The following TTC27 variants were observed in gnomAD, a reference collection of about 807,000 sequenced individuals.
TTC27 encodes tetratricopeptide repeat domain 27.
In TTC27, 79 loss-of-function variants were observed where a neutral mutation model predicts 115.9. The ratio of observed to expected loss-of-function variants is 0.68; its 90% CI spans 0.57 to 0.82. The LOEUF (loss-of-function observed/expected upper bound fraction) is 0.82. Among genes scored for constraint, TTC27 ranks in the 40% least tolerant of loss-of-function variants. TTC27 has a pLI of 0.00. For synonymous variants in TTC27, 401 were observed against 356.0 expected, an observed-to-expected ratio of 1.13 and a Z score of -1.42; for missense variants, 1,054 against 993.1, an observed-to-expected ratio of 1.06 and a Z score of -0.82.
At chr2:32,801,248 G>C (rs994443497) in intron 16 of TTC27, among the ~76,000 whole-genome samples, 1 of 152,184 alleles carries the variant, frequency 6.6e-6, no homozygotes, top group East Asian at 1.9e-4. Context: ...CTGCCTTAAA[G>C]CAAAAGAAGT....
intron 9 of TTC27, among the ~76,000 whole-genome samples, chr2:32,693,415 G>T (rs1033557020): frequency 6.6e-6 from 1 of 152,214 alleles, no homozygotes; most frequent in Non-Finnish European, 1.5e-5. Flanking sequence ...AACCTTTGAG[G>T]TTGGAGCCAA....
At chr2:32,678,969 T>C in intron 9 of TTC27, 47 bp downstream of exon 9, 4 of 1,508,730 alleles carry the variant, frequency 2.7e-6, no homozygotes, top group Non-Finnish European at 3.7e-6. Flanking sequence ...TCCTGGTAAA[T>C]TACTTCCTCT....
chr2:32,765,758 A>G (rs983508612), intron 13 of TTC27, among the ~76,000 whole-genome samples: 8 of 152,084 alleles, frequency 5.3e-5, no homozygotes, highest in Admixed American at 2.6e-4. Context: ...CTCCATCACT[A>G]CTTGCTGTTT....
At chr2:32,644,815 C>T (rs1664790110) in intron 4 of TTC27, among the ~76,000 whole-genome samples, 1 of 139,722 alleles carries the variant, frequency 7.2e-6, no homozygotes, top group African/African-American at 2.6e-5. Flanking sequence ...TTCCCTCCCT[C>T]CCTCCCTCCC....
chr2:32,641,088 T>G (rs968009035), intron 4 of TTC27, among the ~76,000 whole-genome samples: 2 of 152,204 alleles, frequency 1.3e-5, no homozygotes, highest in African/African-American at 4.8e-5. Context: ...TGACCAAAAT[T>G]TAATGGGTCT....
At chr2:32,639,920 G>T (rs1370152006) in intron 3 of TTC27, among the ~76,000 whole-genome samples, 1 of 152,120 alleles carries the variant, frequency 6.6e-6, no homozygotes, top group Non-Finnish European at 1.5e-5. Flanking sequence ...GATCACTTGA[G>T]CCCGGGAGAT....
At position 32,736,839 on chromosome 2, in the gene TTC27, G is replaced by A. The variant is rs748689302; in HGVS notation, c.1452+23G>A. On this transcript the variant is annotated intron_variant, in intron 12 of 19. Transcript: ENST00000317907. Reference sequence around the variant, plus strand: ...AAGGTATGTAATAGTCCAATTTGATGTACTGGTGAGAGCCTTCCCTCTGGG... The same window carrying A: ...AAGGTATGTAATAGTCCAATTTGATATACTGGTGAGAGCCTTCCCTCTGGG... The A allele has an allele frequency of 3.1e-6, 5 of 1,611,534 alleles. No homozygotes were observed. In the African/African-American group the frequency reaches 4.0e-5, roughly 13 times the overall value.
chr2:32,654,134 GACTT>G (rs1665234064), intron 5 of TTC27, among the ~76,000 whole-genome samples: 1 of 152,160 alleles, frequency 6.6e-6, no homozygotes, highest in Non-Finnish European at 1.5e-5. Context: ...GAAGAATTGA[GACTT>G]ACAGAAGTTG....
intron 9 of TTC27, among the ~76,000 whole-genome samples, chr2:32,694,599 A>G (rs6722567): frequency 0.83 from 125,216 of 151,768 alleles, 51,698 homozygotes; most frequent in Middle Eastern, 0.91. Flanking sequence ...TACTTTGGGC[A>G]TAATTATATT....
chr2:32,705,276 A>T (rs1362267885), intron 10 of TTC27, among the ~76,000 whole-genome samples: 1 of 152,138 alleles, frequency 6.6e-6, no homozygotes, highest in African/African-American at 2.4e-5. Context: ...CTGAGGCTTC[A>T]TCAGTAGCTG....
chr2:32,628,279 C>T lies in TTC27; in HGVS notation c.-14C>T, dbSNP rs566407132. Reference sequence around the variant, plus strand: ...TCGTGGGAGCCTGTTTTGGCTGCAGCGGTGTCTGGGGTGATGTGGACCCCG... The same window carrying T: ...TCGTGGGAGCCTGTTTTGGCTGCAGTGGTGTCTGGGGTGATGTGGACCCCG... On this transcript the variant is annotated 5_prime_UTR_variant, in exon 1 of 20. Transcript: ENST00000317907. 2.1e-5 allele frequency: 34 copies of T among 1,598,580 alleles called. No homozygotes were observed. The South Asian group carries it at 3.2e-4, about 15-fold the overall frequency.
In TTC27 at chr2:32,740,134, C is replaced by T. The variant is rs1302895808; in HGVS notation, c.1452+3318C>T. Among the ~76,000 whole-genome samples, 8 of 152,220 alleles carry T rather than the reference C, an allele frequency of 5.3e-5. No individual in the cohort carries two copies. In the East Asian group the frequency reaches 9.7e-4, roughly 18 times the overall value. On this transcript the variant is annotated intron_variant, in intron 12 of 19. Transcript: ENST00000317907. ...TAGCATTTAGTATTTAAAGGTTATC[C>T]GACCCACTTACAGCAATTTCCCCTA... is the stretch of plus-strand genomic sequence containing the variant.
chr2:32,800,112 T>C (rs567269436), intron 16 of TTC27, among the ~76,000 whole-genome samples: 2 of 152,334 alleles, frequency 1.3e-5, no homozygotes, highest in East Asian at 3.9e-4. Flanking sequence ...GTTAATAGAC[T>C]ATTAAGAGGA....
At chr2:32,810,983 G>T in intron 16 of TTC27, 41 bp from the exon 17 acceptor site, 3 of 1,597,522 alleles carry the variant, frequency 1.9e-6, no homozygotes, top group South Asian at 1.1e-5. Flanking sequence ...GTTATTGTTT[G>T]TTGGTTTCTA....
At chr2:32,785,059 T>C (rs1246445148) in intron 15 of TTC27, among the ~76,000 whole-genome samples, 1 of 152,226 alleles carries the variant, frequency 6.6e-6, no homozygotes, top group African/African-American at 2.4e-5. Flanking sequence ...CCTTTGTATA[T>C]CTAAAAATGT....
chr2:32,800,918 A>C (rs1288162922), intron 16 of TTC27, among the ~76,000 whole-genome samples: 1 of 152,208 alleles, frequency 6.6e-6, no homozygotes, highest in Non-Finnish European at 1.5e-5. Context: ...GATGAAAAAA[A>C]CATTTTTTAC....
At chr2:32,649,464 G>C (rs1339353560) in intron 4 of TTC27, among the ~76,000 whole-genome samples, 1 of 152,128 alleles carries the variant, frequency 6.6e-6, no homozygotes, top group Non-Finnish European at 1.5e-5. Flanking sequence ...ACCCCCACAG[G>C]GGGTTCTTGT....
At chr2:32,743,043 C>T (rs1668698033) in intron 12 of TTC27, among the ~76,000 whole-genome samples, 1 of 152,030 alleles carries the variant, frequency 6.6e-6, no homozygotes, top group African/African-American at 2.4e-5. Flanking sequence ...TTCATGTGGT[C>T]CTCAAAGATA....
At chr2:32,820,734 T>C in intron 19 of TTC27, 82 bp from the exon 20 acceptor site, 1 of 1,302,678 alleles carries the variant, frequency 7.7e-7, no homozygotes, top group Non-Finnish European at 1.0e-6. Context: ...CAAAAGGTTT[T>C]TTAACTCTAT....
Sources: gnomAD v4.1 joint callset for allele counts (sites outside exome capture counted in the v4.1 genomes callset) on GRCh38, gnomAD v4.1.1 for gene constraint, MANE v1.5 for transcripts, NCBI Gene and HGNC (gene_info 2026-07-23, HGNC 2026-07-21) for gene names.